The following PDS5B variants were observed in gnomAD, a reference collection of about 807,000 sequenced individuals.
PDS5B encodes the protein PDS5 cohesin associated factor B.
In PDS5B, 51 loss-of-function variants were observed where a neutral mutation model predicts 184.1. The observed-to-expected ratio is 0.28, with a 90% CI of 0.22 to 0.35. PDS5B has a LOEUF of 0.35. PDS5B is among the 10% of genes least tolerant of loss of function. PDS5B has a pLI of 1.00. For missense variants in PDS5B, 1,180 were observed against 1,723.3 expected (o/e 0.68, Z 5.58); for synonymous variants, 566 against 569.2 (o/e 0.99, Z 0.08).
chr13:32,721,550 C>A (rs1288174451), intron 19 of PDS5B, among the ~76,000 whole-genome samples: 1 of 147,928 alleles, frequency 6.8e-6, no homozygotes, highest in East Asian at 2.0e-4. Flanking sequence ...CAGAGGTGCT[C>A]CTCACCTCCC....
intron 15 of PDS5B, 51 bp downstream of exon 15, chr13:32,696,953 T>G: frequency 8.9e-7 from 1 of 1,118,970 alleles, no homozygotes; most frequent in East Asian, 2.5e-5. Context: ...TGGAACATTT[T>G]TTATAATTTT....
intron 6 of PDS5B, among the ~76,000 whole-genome samples, chr13:32,665,367 A>G (rs2874281): frequency 0.41 from 61,761 of 151,450 alleles, 13,089 homozygotes; most frequent in Non-Finnish European, 0.47. Flanking sequence ...CGAGGCGGGC[A>G]GATCACGAGG....
intron 1 of PDS5B, among the ~76,000 whole-genome samples, chr13:32,598,429 C>A (rs1443662797): frequency 1.3e-5 from 2 of 152,032 alleles, no homozygotes; most frequent in African/African-American, 4.8e-5. Flanking sequence ...TACCCTCTCT[C>A]CTTTTTGGTA....
Position 32,701,381 on chromosome 13 carries a change from T to C in PDS5B, c.1799T>C (p.Met600Thr). The C allele has an allele frequency of 6.2e-7, 1 of 1,612,838 alleles. No individual in the cohort carries two copies. Among genetic ancestry groups the C allele is most frequent in the East Asian group, 2.2e-5 (1 of 44,786 alleles). ...PKQPTNPFLEMIKFLLERIAP... is the reference protein window; with the variant it reads ...PKQPTNPFLETIKFLLERIAP... ...CAGCCTACAAATCCTTTCCTGGAAA[T>C]GATCAAGTTTCTCTTGGAGAGGATA... The change falls in exon 17 of 35, where the codon ATG becomes ACG. Residue 600 changes from methionine (M) to threonine (T), a missense_variant. This residue lies in a region of PDS5B where 475 missense variants were observed against 691.5 expected (regional missense o/e 0.69). Transcript: ENST00000315596.
Position 32,735,206 on chromosome 13 carries a change from A to G in PDS5B, c.2282A>G (p.Glu761Gly), listed in dbSNP as rs1461635470. The G allele has an allele frequency of 2.4e-5, 39 of 1,607,962 alleles. No homozygotes were observed. The highest frequency in any genetic ancestry group is 3.3e-5 in the Non-Finnish European group (39 of 1,177,016). Residue 761 changes from glutamate (E) to glycine (G), a missense_variant, in exon 21 of 35, where the codon GAA becomes GGA. Glu to Gly is a moderately conservative substitution (Grantham distance 98, BLOSUM62 -2). Around this residue, in one of 11 missense-constraint regions of PDS5B, gnomAD observed 475 missense variants for 691.5 expected, o/e 0.69. Transcript: ENST00000315596. ...LHKSLDPSNL[E>G]HLITPLVTIG... The stretch of plus-strand genomic sequence containing the variant: ...AAGAGCCTAGATCCAAGCAACCTGG[A>G]ACATCTCATAACACCATTGGTTACT...
In PDS5B at chr13:32,710,019, T is replaced by G; in HGVS notation, c.2036T>G (p.Met679Arg). ...TFESLLACLK[M>R]DDEKVAEAAL... The stretch of plus-strand genomic sequence containing the variant: ...GAATCATTACTGGCTTGTCTGAAAA[T>G]GGATGATGAAAAAGTAGCAGAAGCT... The change falls in exon 19 of 35, where the codon ATG becomes AGG. Residue 679 changes from methionine to arginine, a missense_variant. By Grantham distance (91) the Met-to-Arg change is moderately conservative. Around this residue, in one of 11 missense-constraint regions of PDS5B, gnomAD observed 475 missense variants for 691.5 expected, o/e 0.69. Transcript: ENST00000315596. 6.4e-7 allele frequency: 1 copy of G among 1,554,752 alleles called. No homozygotes were observed. The highest frequency in any genetic ancestry group is 8.8e-7 in the Non-Finnish European group (1 of 1,141,050).
chr13:32,773,066 G>T, intron 33 of PDS5B, 123 bp from the exon 34 acceptor site: 1 of 726,052 alleles, frequency 1.4e-6, no homozygotes, highest in Non-Finnish European at 2.2e-6. Context: ...AAATGTTCTT[G>T]TCTCATAAAG....
chr13:32,639,963 G>T (rs2058629780), intron 1 of PDS5B, among the ~76,000 whole-genome samples: 1 of 152,128 alleles, frequency 6.6e-6, no homozygotes, highest in South Asian at 2.1e-4. Context: ...TGATTTGGAT[G>T]CCTAAATCAA....
In PDS5B at chr13:32,741,133, T is replaced by A. The variant is rs200880587; in HGVS notation, c.2460T>A (p.Pro820=). ...GGGTTCCAGATGAAGAAGTATCTCC[T>A]GAGACAATGGTCAAAGTGAGTAATG... ...KLWVPDEEVS[P]ETMVKIQAIK... is the part of the protein sequence containing the mutation. The change falls in exon 22 of 35, where the codon CCT becomes CCA. Residue 820 remains proline, a synonymous_variant. Coordinates refer to ENST00000315596, the MANE Select transcript of PDS5B (RefSeq NM_015032.4). 1,430 of 1,562,182 alleles carry A rather than the reference T, an allele frequency of 9.2e-4. No individual in the cohort carries two copies. Among genetic ancestry groups the A allele is most frequent in the Non-Finnish European group, 1.2e-3 (1,376 of 1,136,588 alleles).
chr13:32,753,666 A>G, intron 25 of PDS5B, 130 bp downstream of exon 25: 2 of 592,354 alleles, frequency 3.4e-6, no homozygotes, highest in Non-Finnish European at 2.8e-6. Context: ...CCATTTTTCA[A>G]TAACTGCTTT....
chr13:32,750,888 T>TGTGTGTGTGTGTGTGTGTGTGTG (rs1566408847), intron 24 of PDS5B, among the ~76,000 whole-genome samples: 2 of 149,082 alleles, frequency 1.3e-5, no homozygotes, highest in African/African-American at 4.9e-5. Context: ...TGTGTGTGTG[T>TGTGTGTGTGTGTGTGTGTGTGTG]TTTAAACTTT....
intron 24 of PDS5B, among the ~76,000 whole-genome samples, chr13:32,747,000 TA>T (rs1953768911): frequency 6.6e-6 from 1 of 152,228 alleles, no homozygotes; most frequent in Non-Finnish European, 1.5e-5. Flanking sequence ...TATACTTTTA[TA>T]AAGACATGAC....
intron 19 of PDS5B, among the ~76,000 whole-genome samples, chr13:32,715,244 C>T (rs1012069061): frequency 1.2e-4 from 19 of 152,098 alleles, no homozygotes; most frequent in African/African-American, 4.6e-4. Flanking sequence ...AAAGAATTTC[C>T]TAGGCAGCCC....
In PDS5B at chr13:32,764,588, T is replaced by C. The variant is rs370475690; in HGVS notation, c.3618T>C (p.Leu1206=). ...KKSDKRDDSD[L]VRSELEKPRG... The stretch of plus-strand genomic sequence containing the variant: ...GTGACAAGAGAGACGACTCTGATCT[T>C]GTAAGGGTGAGATATTTGCATTGAT... The change falls in exon 31 of 35, where the codon CTT becomes CTC. Residue 1206 remains leucine (L), a synonymous_variant. Coordinates refer to ENST00000315596, the MANE Select transcript of PDS5B (RefSeq NM_015032.4). 9 of 1,562,068 alleles carry C rather than the reference T, an allele frequency of 5.8e-6. No homozygotes were observed. The highest frequency in any genetic ancestry group is 4.1e-5 in the African/African-American group (3 of 73,560).
chr13:32,681,082 G>A (rs889108461), intron 10 of PDS5B, among the ~76,000 whole-genome samples: 6 of 152,098 alleles, frequency 3.9e-5, no homozygotes, highest in Admixed American at 2.6e-4. Context: ...CAACGTATAC[G>A]TTTCCTTCTT....
intron 31 of PDS5B, among the ~76,000 whole-genome samples, chr13:32,768,819 A>G (rs1202401663): frequency 1.5e-5 from 2 of 132,986 alleles, no homozygotes; most frequent in East Asian, 4.3e-4. Flanking sequence ...AAAAAAAAAA[A>G]AGCTGGGTGC....
intron 25 of PDS5B, among the ~76,000 whole-genome samples, chr13:32,754,516 A>T (rs935662038): frequency 6.6e-6 from 1 of 152,284 alleles, no homozygotes; most frequent in South Asian, 2.1e-4. Context: ...ACCAAGGAAC[A>T]TGGTTGACAC....
intron 7 of PDS5B, 31 bp downstream of exon 7, chr13:32,667,875 G>A (rs2140739591): frequency 1.5e-6 from 2 of 1,303,068 alleles, no homozygotes; most frequent in African/African-American, 1.5e-5. Flanking sequence ...GTTGTCAGAA[G>A]GATTAAACTG....
At position 32,688,440 on chromosome 13, in the gene PDS5B, C is replaced by T; in HGVS notation, c.1356-16C>T. ...TAGAAAAAAATCAATACAATGCCTTCTCTGCTTTTTTGTAGACTACTTGTT... is the reference window on the plus strand; with the variant it reads ...TAGAAAAAAATCAATACAATGCCTTTTCTGCTTTTTTGTAGACTACTTGTT... On this transcript the variant is annotated splice_polypyrimidine_tract_variant and intron_variant, in intron 12 of 34. Coordinates refer to ENST00000315596, the MANE Select transcript of PDS5B (RefSeq NM_015032.4). 2 of 1,318,946 alleles carry T rather than the reference C, an allele frequency of 1.5e-6. No individual in the cohort carries two copies. Among genetic ancestry groups the T allele is most frequent in the South Asian group, 1.3e-5 (1 of 77,962 alleles). 81.7% of individuals were successfully genotyped at this position (1,318,946 alleles called of 1,614,324 possible).
Sources: allele counts gnomAD v4.1 joint callset (sites outside exome capture counted in the v4.1 genomes callset), GRCh38; gene constraint gnomAD v4.1.1; regional missense constraint gnomAD v4.1.1; transcripts MANE v1.5; gene names NCBI Gene and HGNC (gene_info 2026-07-23, HGNC 2026-07-21).